Variants in KCND2 observed in about 807,000 individuals in gnomAD.
KCND2 encodes A-type voltage-gated potassium channel KCND2.
A neutral mutation model predicts 54.4 loss-of-function variants in KCND2; 16 were observed. The ratio of observed to expected loss-of-function variants is 0.29; its 90% confidence interval spans 0.20 to 0.45. The LOEUF (loss-of-function observed/expected upper bound fraction) is 0.45. Among genes scored for constraint, KCND2 ranks in the 20% least tolerant of loss-of-function variants. KCND2 has a pLI of 1.00. For synonymous variants in KCND2, 317 were observed against 310.7 expected (o/e 1.02, Z -0.21); for missense variants, 486 against 824.2 (o/e 0.59, Z 5.02).
chr7:120,564,083 A>G (rs927869270), intron 1 of KCND2, among the ~76,000 whole-genome samples: 2 of 152,172 alleles, frequency 1.3e-5, no homozygotes, highest in Admixed American at 1.3e-4. Context: ...ATAAATTTGG[A>G]CAAATAACTT....
chr7:120,357,383 G>C (rs1216148831), intron 1 of KCND2, among the ~76,000 whole-genome samples: 1 of 151,784 alleles, frequency 6.6e-6, no homozygotes, highest in Non-Finnish European at 1.5e-5. Context: ...GTTTTATACT[G>C]GTATTTTAAG....
intron 1 of KCND2, among the ~76,000 whole-genome samples, chr7:120,727,232 G>C (rs1033047694): frequency 6.6e-6 from 1 of 152,098 alleles, no homozygotes; most frequent in Admixed American, 6.5e-5. Flanking sequence ...TTCTCCATTT[G>C]AGATATAAAG....
intron 1 of KCND2, among the ~76,000 whole-genome samples, chr7:120,298,682 A>G (rs1446320138): frequency 1.3e-5 from 2 of 152,238 alleles, no homozygotes; most frequent in African/African-American, 4.8e-5. Flanking sequence ...GTTAGACCAA[A>G]GTAAGAAATG....
At chr7:120,484,688 A>G (rs1802665833) in intron 1 of KCND2, among the ~76,000 whole-genome samples, 1 of 141,626 alleles carries the variant, frequency 7.1e-6, no homozygotes, top group Admixed American at 7.0e-5. Context: ...ATTCAGGCTT[A>G]TATATATTAC....
At chr7:120,459,120 G>A (rs1802243741) in intron 1 of KCND2, among the ~76,000 whole-genome samples, 1 of 151,884 alleles carries the variant, frequency 6.6e-6, no homozygotes, top group Non-Finnish European at 1.5e-5. Flanking sequence ...CAGAAAACAA[G>A]CCCAAGCACT....
At chr7:120,579,082 A>G (rs1584837398) in intron 1 of KCND2, among the ~76,000 whole-genome samples, 1 of 152,320 alleles carries the variant, frequency 6.6e-6, no homozygotes, top group Non-Finnish European at 1.5e-5. Flanking sequence ...TACAGAGTCC[A>G]TATGTTTCTA....
intron 1 of KCND2, among the ~76,000 whole-genome samples, chr7:120,730,930 T>C (rs1271532019): frequency 6.6e-6 from 1 of 152,182 alleles, no homozygotes; most frequent in African/African-American, 2.4e-5. Flanking sequence ...TGAGCATGGA[T>C]TCTAGTATGT....
intron 1 of KCND2, among the ~76,000 whole-genome samples, chr7:120,600,819 T>C (rs1194812909): frequency 1.3e-5 from 2 of 152,074 alleles, no homozygotes; most frequent in East Asian, 3.9e-4. Context: ...GTTTATGTAT[T>C]ATATCAATGA....
At chr7:120,410,077 TTTA>T (rs1042913598) in intron 1 of KCND2, among the ~76,000 whole-genome samples, 3 of 151,872 alleles carry the variant, frequency 2.0e-5, no homozygotes, top group Non-Finnish European at 4.4e-5. Context: ...AAAGTCAAGG[TTTA>T]TTATTATTCC....
At chr7:120,316,849 T>G (rs924297031) in intron 1 of KCND2, among the ~76,000 whole-genome samples, 1 of 152,078 alleles carries the variant, frequency 6.6e-6, no homozygotes, top group African/African-American at 2.4e-5. Flanking sequence ...AATTTTTTTT[T>G]TTTTTGGGAC....
intron 1 of KCND2, among the ~76,000 whole-genome samples, chr7:120,452,216 G>C (rs1332604725): frequency 6.6e-6 from 1 of 152,184 alleles, no homozygotes; most frequent in Non-Finnish European, 1.5e-5. Context: ...CTGGATTCAT[G>C]TTCTGGTTCT....
intron 1 of KCND2, among the ~76,000 whole-genome samples, chr7:120,646,035 G>A (rs750920897): frequency 1.3e-5 from 2 of 152,122 alleles, no homozygotes; most frequent in Admixed American, 6.6e-5. Context: ...TGCAGCTGTG[G>A]ACCAAAAATC....
chr7:120,482,707 G>A (rs1292770719), intron 1 of KCND2, among the ~76,000 whole-genome samples: 1 of 151,986 alleles, frequency 6.6e-6, no homozygotes, highest in Non-Finnish European at 1.5e-5. Context: ...ACAGATGCTG[G>A]CACCATGCTC....
chr7:120,504,281 A>G (rs1802982777), intron 1 of KCND2, among the ~76,000 whole-genome samples: 1 of 151,962 alleles, frequency 6.6e-6, no homozygotes, highest in African/African-American at 2.4e-5. Flanking sequence ...AAATAGAATG[A>G]TTTTTGAGTT....
chr7:120,365,415 C>T (rs1800656482), intron 1 of KCND2, among the ~76,000 whole-genome samples: 1 of 152,042 alleles, frequency 6.6e-6, no homozygotes, highest in African/African-American at 2.4e-5. Flanking sequence ...TTTACTGGGT[C>T]AGGACCTGAG....
intron 1 of KCND2, among the ~76,000 whole-genome samples, chr7:120,478,055 A>C (rs1802555194): frequency 6.6e-6 from 1 of 152,180 alleles, no homozygotes; most frequent in Non-Finnish European, 1.5e-5. Context: ...TGTTATTCTA[A>C]CCATTCATTC....
intron 1 of KCND2, among the ~76,000 whole-genome samples, chr7:120,565,695 T>A (rs10258480): frequency 6.6e-6 from 1 of 152,090 alleles, no homozygotes; most frequent in Non-Finnish European, 1.5e-5. Flanking sequence ...AGTGAAAAAG[T>A]GTCATGAGAC....
chr7:120,313,917 G>C (rs1208726447), intron 1 of KCND2, among the ~76,000 whole-genome samples: 1 of 151,404 alleles, frequency 6.6e-6, no homozygotes, highest in Non-Finnish European at 1.5e-5. Flanking sequence ...TTAAACCTTT[G>C]TAAGGACACT....
intron 1 of KCND2, among the ~76,000 whole-genome samples, chr7:120,516,233 T>G (rs1009963689): frequency 6.6e-6 from 1 of 152,176 alleles, no homozygotes; most frequent in Admixed American, 6.5e-5. Flanking sequence ...TTTTATTCTT[T>G]TATTCGGCAC....
Sources: gnomAD v4.1 joint callset for allele counts (sites outside exome capture counted in the v4.1 genomes callset) on GRCh38, gnomAD v4.1.1 for gene constraint, MANE v1.5 for transcripts, NCBI Gene and HGNC (gene_info 2026-07-23, HGNC 2026-07-21) for gene names.